The following ZKSCAN1 variants were observed in gnomAD, a reference collection of about 807,000 sequenced individuals.
ZKSCAN1 encodes the protein zinc finger protein with KRAB and SCAN domains 1.
In ZKSCAN1, 14 loss-of-function variants were observed where a neutral mutation model predicts 51.6. The ratio of observed to expected loss-of-function variants is 0.27; its 90% CI spans 0.18 to 0.42. The LOEUF (loss-of-function observed/expected upper bound fraction) is 0.42. Among genes scored for constraint, ZKSCAN1 ranks in the 10% least tolerant of loss-of-function variants. The pLI, the probability that ZKSCAN1 is intolerant of heterozygous loss-of-function variation, is 1.00. For synonymous variants in ZKSCAN1, 263 were observed against 261.5 expected (o/e 1.01, Z -0.06); for missense variants, 531 against 710.0 (o/e 0.75, Z 2.86).
In ZKSCAN1 at chr7:100,033,506, T is replaced by C. The variant is rs757157172; in HGVS notation, c.1001T>C (p.Ile334Thr). 4 of 1,613,252 alleles carry C rather than the reference T, an allele frequency of 2.5e-6. No homozygotes were observed. Among genetic ancestry groups the C allele is most frequent in the African/African-American group, 1.3e-5 (1 of 74,614 alleles). The stretch of plus-strand genomic sequence containing the variant: ...GAGAAAAGAGATTCAGGGCCAGCTA[T>C]AGGAAAGGACAAAAAAACCATCACA... ...RKEKRDSGPA[I>T]GKDKKTITGE... The change falls in exon 6 of 6, where the codon ATA becomes ACA. Residue 334 changes from isoleucine to threonine, a missense_variant. Physicochemically the swap from Ile to Thr is moderately conservative, Grantham distance 89 (BLOSUM62 -1). Coordinates refer to ENST00000324306, the MANE Select transcript of ZKSCAN1 (RefSeq NM_003439.4). The surrounding 1 kb of genome is among the most constrained non-coding windows in gnomAD (Gnocchi z 4.1).
intron 4 of ZKSCAN1, 35 bp from the exon 5 acceptor site, chr7:100,030,214 G>A (rs1228040054): frequency 2.6e-5 from 41 of 1,604,774 alleles, no homozygotes; most frequent in Non-Finnish European, 3.3e-5. Context: ...CCCTGAGTTT[G>A]GGGGGAAATG....
At chr7:100,042,965 C>CT (rs1446098144), downstream of ZKSCAN1, among the ~76,000 whole-genome samples, 1 of 151,210 alleles carries the variant, frequency 6.6e-6, no homozygotes, top group Non-Finnish European at 1.5e-5. Flanking sequence ...GCCCGGCTAA[C>CT]TTTTTTTGTA....
rs972572754 is a variant in ZKSCAN1, at chr7:100,040,760, C to A, written c.*6563C>A. 3.0e-6 allele frequency: 3 copies of A among 985,408 alleles called. No homozygotes were observed. The highest frequency in any genetic ancestry group is 5.2e-4 in the Middle Eastern group (1 of 1,916). The allele number at this position is 985,408 out of a possible 1,614,324, so 61.0% of individuals were successfully genotyped here. A position where few individuals can be genotyped will look rare whatever the true frequency, so the allele number is the denominator to read the frequency against. ...CTGTTGGGGTGTGCTGGGGTTGGTA[C>A]CCGAGCGCCTTCCCCTCACCTCAAC... On this transcript the variant is annotated 3_prime_UTR_variant, in exon 6 of 6. Transcript: ENST00000324306.
At chr7:100,031,298 G>C (rs1402000666) in intron 5 of ZKSCAN1, among the ~76,000 whole-genome samples, 1 of 35,390 alleles carries the variant, frequency 2.8e-5, no homozygotes, top group Non-Finnish European at 6.1e-5. Context: ...TTTTTTTTTT[G>C]AGACAGGGTC....
chr7:100,024,063 C>T, intron 2 of ZKSCAN1, 91 bp from the exon 3 acceptor site: 1 of 1,526,914 alleles, frequency 6.5e-7, no homozygotes, highest in Non-Finnish European at 8.8e-7. Context: ...TTTCTTCCTG[C>T]ATCCACTGGC....
chr7:100,020,423 G>A (rs183854157), intron 1 of ZKSCAN1, among the ~76,000 whole-genome samples: 1 of 152,224 alleles, frequency 6.6e-6, no homozygotes, highest in Admixed American at 6.5e-5. Context: ...GTTTTAGAAA[G>A]AATAATCTGA....
Position 100,023,399 on chromosome 7 carries a change from A to C in ZKSCAN1, c.-88-20A>C. On this transcript the variant is annotated intron_variant, in intron 1 of 5. Coordinates refer to ENST00000324306, the MANE Select transcript of ZKSCAN1 (RefSeq NM_003439.4). ...CTTTTTGTAAAGGTACGTACTAATGACTTTTTTTTTATACTTCAGGAATAG... is the reference window on the plus strand; with the variant it reads ...CTTTTTGTAAAGGTACGTACTAATGCCTTTTTTTTTATACTTCAGGAATAG... 1 of 1,291,066 alleles carries C rather than the reference A, an allele frequency of 7.7e-7. No homozygotes were observed. The highest frequency in any genetic ancestry group is 2.3e-5 in the East Asian group (1 of 43,188). The allele number at this position is 1,291,066 out of a possible 1,614,324, so 80.0% of individuals were successfully genotyped here. A position where few individuals can be genotyped will look rare whatever the true frequency, so the allele number is the denominator to read the frequency against.
chr7:100,044,941 A>C (rs935517459), downstream of ZKSCAN1: 97 of 985,198 alleles, frequency 9.8e-5, no homozygotes, highest in Admixed American at 1.2e-4. Flanking sequence ...ATGGCAGCAA[A>C]AATAGGTGAT....
rs1791439623 is a variant in ZKSCAN1 at position 100,038,074 on chromosome 7, A to G, written c.*3877A>G. The stretch of plus-strand genomic sequence containing the variant: ...AATCTTAACTGCAGAGGATCTACAG[A>G]TGAAAAAAAATGTGGGGAAATGCTT... On this transcript the variant is annotated 3_prime_UTR_variant, in exon 6 of 6. Coordinates refer to ENST00000324306, the MANE Select transcript of ZKSCAN1 (RefSeq NM_003439.4). 1.0e-6 allele frequency: 1 copy of G among 985,348 alleles called. No individual in the cohort carries two copies. The highest frequency in any genetic ancestry group is 1.7e-5 in the African/African-American group (1 of 57,338). 61.0% of individuals were successfully genotyped at this position (985,348 alleles called of 1,614,324 possible).
chr7:100,030,061 C>A (rs1270917235), intron 4 of ZKSCAN1, 109 bp downstream of exon 4: 1 of 1,423,578 alleles, frequency 7.0e-7, no homozygotes, highest in Admixed American at 1.9e-5. Flanking sequence ...CTCAAAGAAG[C>A]CCCAACCCTG....
At position 100,038,140 on chromosome 7, in the gene ZKSCAN1, T is replaced by A. The variant is rs1242767951; in HGVS notation, c.*3943T>A. On this transcript the variant is annotated 3_prime_UTR_variant, in exon 6 of 6. Coordinates refer to ENST00000324306, the MANE Select transcript of ZKSCAN1 (RefSeq NM_003439.4). ...ATGTGCAACTTCTTACAAAAATTGT[T>A]AACGTTAGGTACTTCTATATATTTT... The A allele has an allele frequency of 2.0e-6, 2 of 985,338 alleles. No individual in the cohort carries two copies. Among genetic ancestry groups the A allele is most frequent in the East Asian group, 2.3e-4 (2 of 8,826 alleles). The allele number at this position is 985,338 out of a possible 1,614,324, so 61.0% of individuals were successfully genotyped here. A position where few individuals can be genotyped will look rare whatever the true frequency, so the allele number is the denominator to read the frequency against.
At chr7:100,027,004 A>AG (rs966523041) in intron 3 of ZKSCAN1, among the ~76,000 whole-genome samples, 11 of 152,192 alleles carry the variant, frequency 7.2e-5, no homozygotes, top group African/African-American at 2.4e-4. Flanking sequence ...ATCTCAAAAA[A>AG]GAAAAAAAAA....
Position 100,023,733 on chromosome 7 carries a change from G to A in ZKSCAN1, c.227G>A (p.Arg76Gln), listed in dbSNP as rs531392657. The change falls in exon 2 of 6, where the codon CGG becomes CAG. Residue 76 changes from arginine (R) to glutamine (Q), a missense_variant. Transcript: ENST00000324306. ...TTTGGGCCCCGAGAGGCTCTCAGTC[G>A]GCTGAAGGAACTTTGTCATCAGTGG... ...NTFGPREALS[R>Q]LKELCHQWLR... is the part of the protein sequence containing the mutation. 4.3e-4 allele frequency: 700 copies of A among 1,614,148 alleles called. 11 individuals carry two copies. The South Asian group carries it at 7.2e-3, about 17-fold the overall frequency.
At position 100,037,825 on chromosome 7, in the gene ZKSCAN1, G is replaced by A. The variant is rs1015287562; in HGVS notation, c.*3628G>A. 5 of 745,748 alleles carry A rather than the reference G, an allele frequency of 6.7e-6. No individual in the cohort carries two copies. Among genetic ancestry groups the A allele is most frequent in the Non-Finnish European group, 8.2e-6 (5 of 611,798 alleles). The allele number at this position is 745,748 out of a possible 1,614,324, so 46.2% of individuals were successfully genotyped here. A position where few individuals can be genotyped will look rare whatever the true frequency, so the allele number is the denominator to read the frequency against. ...GAGGTCAGTAGTTCGAGACCAGCCT[G>A]GCCAACATGGTGAAACCTTGTCTCT... On this transcript the variant is annotated 3_prime_UTR_variant, in exon 6 of 6. Coordinates refer to ENST00000324306, the MANE Select transcript of ZKSCAN1 (RefSeq NM_003439.4).
intron 2 of ZKSCAN1, 78 bp from the exon 3 acceptor site, chr7:100,024,076 A>G (rs749285160): frequency 6.5e-6 from 10 of 1,538,716 alleles, no homozygotes; most frequent in Non-Finnish European, 8.7e-6. Context: ...CCACTGGCAT[A>G]CTCATGGTCT....
chr7:100,023,074 A>T (rs1790656735), intron 1 of ZKSCAN1, among the ~76,000 whole-genome samples: 1 of 151,848 alleles, frequency 6.6e-6, no homozygotes, highest in African/African-American at 2.4e-5. Flanking sequence ...GCAGTGGCGT[A>T]ATCTCGGCTC....
rs1562834640 is a variant in ZKSCAN1 at position 100,039,324 on chromosome 7, A to AAG, written c.*5128_*5129insGA. 6.1e-6 allele frequency: 6 copies of AAG among 983,936 alleles called. No individual in the cohort carries two copies. Among genetic ancestry groups the AAG allele is most frequent in the African/African-American group, 3.5e-5 (2 of 57,024 alleles). The allele number at this position is 983,936 out of a possible 1,614,324, so 61.0% of individuals were successfully genotyped here. ...CTCTGTCTCAAAAAAAGAAAAAAAA[A>AAG]AAAGAAAGAAAGAAAGAAAATTGGG... On this transcript the variant is annotated 3_prime_UTR_variant, in exon 6 of 6. Transcript: ENST00000324306.
chr7:100,029,810 C>T, intron 3 of ZKSCAN1, 51 bp from the exon 4 acceptor site: 2 of 1,563,414 alleles, frequency 1.3e-6, no homozygotes. Context: ...CTTCTTTGAG[C>T]AAGGCTCAGA....
intron 1 of ZKSCAN1, chr7:100,016,722 C>T (rs571343996): frequency 6.6e-6 from 1 of 152,318 alleles, no homozygotes; most frequent in East Asian, 1.9e-4. Context: ...AGTGGCTGTT[C>T]CATGGCCTGG....
Sources: gnomAD v4.1 joint callset for allele counts (sites outside exome capture counted in the v4.1 genomes callset) on GRCh38, gnomAD v4.1.1 for gene constraint, Gnocchi (gnomAD v3.1) non-coding constraint, MANE v1.5 for transcripts, NCBI Gene and HGNC (gene_info 2026-07-23, HGNC 2026-07-21) for gene names.